Variants in CHL1 observed in about 807,000 individuals in gnomAD.
The protein encoded by CHL1 is neural cell adhesion molecule L1-like protein.
Under a neutral mutation model 141.9 loss-of-function variants are expected in CHL1, and 96 were observed. That is an observed-to-expected ratio of 0.68 (90% CI 0.57 to 0.80). CHL1 has a LOEUF of 0.80. Ranked by LOEUF, CHL1 falls within the 30% of genes least tolerant of loss-of-function variation. CHL1 has a pLI of 0.00. For synonymous variants in CHL1, 613 were observed against 502.2 expected (o/e 1.22, Z -2.95); for missense variants, 1,820 against 1,457.2 (o/e 1.25, Z -4.05).
chr3:386,197 G>A (rs2060305), intron 19 of CHL1, among the ~76,000 whole-genome samples: 143,020 of 147,368 alleles, frequency 0.97, 69,534 homozygotes, highest in Middle Eastern at 1. Context: ...ATGGTCAGAG[G>A]GACATAATTT....
chr3:280,694 A>G (rs1696561880), intron 2 of CHL1, among the ~76,000 whole-genome samples: 1 of 152,188 alleles, frequency 6.6e-6, no homozygotes, highest in East Asian at 1.9e-4. Flanking sequence ...ACTACCACCA[A>G]CAAAATACCT....
intron 2 of CHL1, among the ~76,000 whole-genome samples, chr3:278,731 T>C (rs1382363572): frequency 6.6e-6 from 1 of 152,242 alleles, no homozygotes; most frequent in African/African-American, 2.4e-5. Flanking sequence ...GAATAGACAG[T>C]GTCCTTGTAG....
chr3:227,841 T>C (rs760400600), intron 1 of CHL1, among the ~76,000 whole-genome samples: 1 of 152,238 alleles, frequency 6.6e-6, no homozygotes, highest in Admixed American at 6.5e-5. Flanking sequence ...TTGTGCTGTG[T>C]GTTTCCAGGA....
intron 5 of CHL1, among the ~76,000 whole-genome samples, chr3:336,086 T>A (rs1018913990): frequency 6.6e-6 from 1 of 152,192 alleles, no homozygotes; most frequent in Admixed American, 6.5e-5. Context: ...GATTCAAAGA[T>A]CGCATAGGAA....
chr3:359,372 T>G lies in CHL1; in HGVS notation c.1166-912T>G, dbSNP rs546485115. On this transcript the variant is annotated intron_variant, in intron 11 of 27. Coordinates refer to ENST00000256509, the MANE Select transcript of CHL1 (RefSeq NM_006614.4). Reference sequence around the variant, plus strand: ...AGTCTGGAGTGCAGTGGCGAGATCTTGGCTCACTGTAACCTCCACCTCCTG... The same window carrying G: ...AGTCTGGAGTGCAGTGGCGAGATCTGGGCTCACTGTAACCTCCACCTCCTG... Among the ~76,000 whole-genome samples, 24 of 152,228 alleles carry G rather than the reference T, an allele frequency of 1.6e-4. No individual in the cohort carries two copies. The East Asian group carries it at 4.6e-3, about 29-fold the overall frequency.
chr3:335,879 G>C (rs1341367905), intron 5 of CHL1, among the ~76,000 whole-genome samples: 1 of 152,126 alleles, frequency 6.6e-6, no homozygotes, highest in Non-Finnish European at 1.5e-5. Flanking sequence ...GGCCTACCTT[G>C]TCTCTGTGCG....
In CHL1 at chr3:391,742, A is replaced by G. The variant is rs768471530; in HGVS notation, c.2859A>G (p.Gly953=). ...AAGACACTGCCACTTTATCTTGGGG[A>G]CTACCTAAGAAATTAAATGGAAACT... The part of the protein sequence containing the change: ...VDKDTATLSW[G]LPKKLNGNLT... The change falls in exon 23 of 28, where the codon GGA becomes GGG. Residue 953 remains glycine (G), a synonymous_variant. Coordinates refer to ENST00000256509, the MANE Select transcript of CHL1 (RefSeq NM_006614.4). The G allele has an allele frequency of 2.7e-5, 44 of 1,600,928 alleles. No individual in the cohort carries two copies. Among genetic ancestry groups the G allele is most frequent in the Non-Finnish European group, 3.6e-5 (42 of 1,170,990 alleles).
At chr3:244,325 C>T (rs183661734) in intron 1 of CHL1, among the ~76,000 whole-genome samples, 1 of 152,272 alleles carries the variant, frequency 6.6e-6, no homozygotes, top group African/African-American at 2.4e-5. Flanking sequence ...TACGTGAATT[C>T]ATGAGAGAAG....
intron 15 of CHL1, among the ~76,000 whole-genome samples, chr3:372,285 C>G (rs550714260): frequency 6.6e-6 from 1 of 152,236 alleles, no homozygotes; most frequent in East Asian, 1.9e-4. Flanking sequence ...TCCCGTATTT[C>G]TTGAAGGCTT....
chr3:210,230 C>T (rs934836094), intron 1 of CHL1, among the ~76,000 whole-genome samples: 1 of 152,206 alleles, frequency 6.6e-6, no homozygotes, highest in Non-Finnish European at 1.5e-5. Context: ...GCACATTTTT[C>T]CACTTACCTA....
At chr3:375,088 C>T (rs1706144669) in intron 15 of CHL1, among the ~76,000 whole-genome samples, 1 of 152,088 alleles carries the variant, frequency 6.6e-6, no homozygotes, top group Non-Finnish European at 1.5e-5. Context: ...CTTTAGGCCT[C>T]CCAATAATAC....
intron 1 of CHL1, chr3:197,651 C>T (rs1038217981): frequency 8.3e-6 from 3 of 363,560 alleles, no homozygotes; most frequent in South Asian, 4.0e-5. Flanking sequence ...CCGAAAATGC[C>T]GCCAGCCTGG....
intron 27 of CHL1, among the ~76,000 whole-genome samples, chr3:402,544 G>A (rs1218998604): frequency 6.6e-6 from 1 of 152,104 alleles, no homozygotes; most frequent in East Asian, 1.9e-4. Flanking sequence ...ATTGATTTTA[G>A]CACATGGGAA....
At position 256,212 on chromosome 3, in the gene CHL1, T is replaced by G. The variant is rs372115362; in HGVS notation, c.-95+11520T>G. ...GTGAAACAATACTGATAAATGAAAT[T>G]TAAAAATATAGTATGACTTTGATAG... On this transcript the variant is annotated intron_variant, in intron 2 of 27. Transcript: ENST00000256509. Among the ~76,000 whole-genome samples the G allele has an allele frequency of 5.4e-4, 82 of 151,548 alleles. 1 individual carries two copies. In the South Asian group the frequency reaches 0.016, roughly 30 times the overall value.
At chr3:256,972 C>A (rs1451975245) in intron 2 of CHL1, among the ~76,000 whole-genome samples, 1 of 152,088 alleles carries the variant, frequency 6.6e-6, no homozygotes, top group Admixed American at 6.6e-5. Context: ...CAAGGGGATA[C>A]CTAATATGTA....
At chr3:340,676 T>A in intron 5 of CHL1, 118 bp from the exon 6 acceptor site, 1 of 814,050 alleles carries the variant, frequency 1.2e-6, no homozygotes. Flanking sequence ...AACCAGGATC[T>A]GTAGCATAGA....
At chr3:300,334 T>C (rs1317350542) in intron 2 of CHL1, among the ~76,000 whole-genome samples, 2 of 151,888 alleles carry the variant, frequency 1.3e-5, no homozygotes, top group East Asian at 1.9e-4. Context: ...TTTGTTTGAG[T>C]TGGGGGTAGC....
intron 5 of CHL1, among the ~76,000 whole-genome samples, chr3:336,915 T>G (rs1297175259): frequency 6.6e-6 from 1 of 152,184 alleles, no homozygotes; most frequent in Non-Finnish European, 1.5e-5. Context: ...TGTAGGGAAG[T>G]GTTTCCATGA....
intron 24 of CHL1, 123 bp downstream of exon 24, chr3:394,995 A>G (rs1708552742): frequency 2.5e-6 from 2 of 793,262 alleles, no homozygotes; most frequent in African/African-American, 3.5e-5. Context: ...TTGTGATCCC[A>G]CTCTGTCTGA....
Sources: gnomAD v4.1 joint callset for allele counts (sites outside exome capture counted in the v4.1 genomes callset) on GRCh38, gnomAD v4.1.1 for gene constraint, MANE v1.5 for transcripts, NCBI Gene and HGNC (gene_info 2026-07-23, HGNC 2026-07-21) for gene names.